Variants in MALRD1 observed in about 807,000 individuals in gnomAD.
MALRD1 encodes the protein MAM and LDL-receptor class A domain-containing protein 1.
Under a neutral mutation model 242.1 loss-of-function variants are expected in MALRD1, and 247 were observed. The observed-to-expected ratio is 1.02, with a 90% CI of 0.92 to 1.13. The LOEUF (loss-of-function observed/expected upper bound fraction) is 1.13, where lower values mean the gene tolerates loss of function less well. MALRD1 is among the 50% of genes most tolerant of loss of function. MALRD1 has a pLI of 0.00. For missense variants in MALRD1, 2,989 were observed against 2,533.1 expected (o/e 1.18, Z -3.86); for synonymous variants, 995 against 866.6 (o/e 1.15, Z -2.60).
intron 38 of MALRD1, among the ~76,000 whole-genome samples, chr10:19,719,223 CATATATAT>C (rs368394538): frequency 3.9e-4 from 30 of 76,414 alleles, no homozygotes; most frequent in African/African-American, 8.7e-4. Flanking sequence ...CACATACATA[CATATATAT>C]ATATATATAT....
intron 19 of MALRD1, among the ~76,000 whole-genome samples, chr10:19,275,715 T>C (rs1240926904): frequency 6.6e-6 from 1 of 152,088 alleles, no homozygotes; most frequent in East Asian, 1.9e-4. Context: ...CAGAAATCAG[T>C]AAATCCTAGG....
chr10:19,159,415 C>A (rs1289331562), intron 12 of MALRD1, among the ~76,000 whole-genome samples: 1 of 151,714 alleles, frequency 6.6e-6, no homozygotes, highest in Non-Finnish European at 1.5e-5. Flanking sequence ...TATAAAGGTG[C>A]AGCAAGTGTG....
chr10:19,229,491 G>T (rs567895993), intron 18 of MALRD1, among the ~76,000 whole-genome samples: 5 of 152,176 alleles, frequency 3.3e-5, no homozygotes, highest in Non-Finnish European at 5.9e-5. Context: ...TCCTGGTTCC[G>T]CTGGCTGATC....
At chr10:19,604,864 A>G (rs990781969) in intron 34 of MALRD1, among the ~76,000 whole-genome samples, 14 of 152,178 alleles carry the variant, frequency 9.2e-5, no homozygotes, top group African/African-American at 3.4e-4. Context: ...ACTTGCATTA[A>G]TGCAACATTA....
intron 29 of MALRD1, among the ~76,000 whole-genome samples, chr10:19,481,581 T>A (rs1836997366): frequency 6.6e-6 from 1 of 152,190 alleles, no homozygotes; most frequent in African/African-American, 2.4e-5. Context: ...CCAAATTATA[T>A]GTCCCCTTTA....
intron 23 of MALRD1, among the ~76,000 whole-genome samples, chr10:19,328,447 C>T (rs1443213308): frequency 6.6e-6 from 1 of 152,040 alleles, no homozygotes; most frequent in Non-Finnish European, 1.5e-5. Flanking sequence ...GGTCTTAATT[C>T]CATGAATTTA....
chr10:19,294,108 A>G (rs914986854), intron 21 of MALRD1, among the ~76,000 whole-genome samples: 1 of 152,212 alleles, frequency 6.6e-6, no homozygotes, highest in Non-Finnish European at 1.5e-5. Context: ...ATTTTTGACT[A>G]ATAATAAAAT....
At chr10:19,343,307 T>G (rs1843966094) in intron 24 of MALRD1, among the ~76,000 whole-genome samples, 1 of 152,078 alleles carries the variant, frequency 6.6e-6, no homozygotes, top group Non-Finnish European at 1.5e-5. Flanking sequence ...TATGTACCCT[T>G]CATGCATTTT....
chr10:19,643,974 C>T (rs1840530067), intron 36 of MALRD1, among the ~76,000 whole-genome samples: 1 of 152,162 alleles, frequency 6.6e-6, no homozygotes, highest in African/African-American at 2.4e-5. Flanking sequence ...TTAATGAGAG[C>T]CAGCTTCTGG....
intron 36 of MALRD1, among the ~76,000 whole-genome samples, chr10:19,648,308 G>A (rs1840732524): frequency 2.0e-5 from 3 of 152,112 alleles, no homozygotes; most frequent in South Asian, 2.1e-4. Context: ...ACAAGATAAA[G>A]CCTTACTTTA....
rs185182810 is a variant in MALRD1, at chr10:19,268,851, A to G, written c.3079+11080A>G. Among the ~76,000 whole-genome samples, 61 of 152,316 alleles carry G rather than the reference A, an allele frequency of 4.0e-4. 1 individual carries two copies. In the South Asian group the frequency reaches 0.011, roughly 27 times the overall value. Reference sequence around the variant, plus strand: ...GTCATATGTGTTACAGTGAACTTACAGAGTGAGGAGTTAGATCACTGAGTC... The same window carrying G: ...GTCATATGTGTTACAGTGAACTTACGGAGTGAGGAGTTAGATCACTGAGTC... On this transcript the variant is annotated intron_variant, in intron 19 of 39. Transcript: ENST00000454679.
At chr10:19,436,102 C>A (rs1050049088) in intron 28 of MALRD1, among the ~76,000 whole-genome samples, 1 of 152,212 alleles carries the variant, frequency 6.6e-6, no homozygotes, top group East Asian at 1.9e-4. Flanking sequence ...CTGACTTCAG[C>A]CCTACAAGAT....
At chr10:19,577,077 T>C (rs1281763449) in intron 33 of MALRD1, among the ~76,000 whole-genome samples, 2 of 151,980 alleles carry the variant, frequency 1.3e-5, no homozygotes, top group African/African-American at 4.8e-5. Flanking sequence ...TAGGTATGTA[T>C]TGTATGTAAT....
intron 9 of MALRD1, 114 bp downstream of exon 9, chr10:19,134,062 G>T: frequency 2.3e-6 from 1 of 426,088 alleles, no homozygotes; most frequent in Non-Finnish European, 3.9e-6. Flanking sequence ...AGGGATGCGT[G>T]CTTGTATATT....
intron 12 of MALRD1, 38 bp downstream of exon 12, chr10:19,155,210 G>T (rs772611655): frequency 1.7e-6 from 2 of 1,149,688 alleles, no homozygotes; most frequent in South Asian, 4.4e-5. Context: ...GCCATTCTGC[G>T]GTTGTAAATC....
chr10:19,177,249 A>T (rs557175186), intron 14 of MALRD1, among the ~76,000 whole-genome samples: 1 of 150,798 alleles, frequency 6.6e-6, no homozygotes, highest in South Asian at 2.1e-4. Context: ...CACTGCACTC[A>T]AGCCTGGGTG....
rs545635127 is a variant in MALRD1 at position 19,094,923 on chromosome 10, C to G, written c.597+6738C>G. Among the ~76,000 whole-genome samples the G allele has an allele frequency of 2.0e-5, 3 of 152,230 alleles. No homozygotes were observed. In the East Asian group the frequency reaches 5.8e-4, roughly 29 times the overall value. On this transcript the variant is annotated intron_variant, in intron 4 of 39. Transcript: ENST00000454679. ...TTACCAGTTCTTGAAGAATTATTGC[C>G]TATTTTAACATTTGGGACAATCAAA...
intron 36 of MALRD1, among the ~76,000 whole-genome samples, chr10:19,670,269 G>A (rs1841860118): frequency 6.6e-6 from 1 of 152,196 alleles, no homozygotes; most frequent in Middle Eastern, 3.4e-3. Context: ...ATTTACCCAT[G>A]AATTTTCTTA....
chr10:19,241,927 A>G (rs1040555079), intron 18 of MALRD1, among the ~76,000 whole-genome samples: 5 of 152,152 alleles, frequency 3.3e-5, no homozygotes, highest in African/African-American at 9.6e-5. Context: ...GATACTTCAT[A>G]TGATATCTGT....
Sources: gnomAD v4.1 joint callset for allele counts (sites outside exome capture counted in the v4.1 genomes callset) on GRCh38, gnomAD v4.1.1 for gene constraint, MANE v1.5 for transcripts, NCBI Gene and HGNC (gene_info 2026-07-23, HGNC 2026-07-21) for gene names.